Variants in HCCS observed in about 807,000 individuals in gnomAD.
HCCS encodes the protein holocytochrome c synthase.
Under a neutral mutation model 24.2 loss-of-function variants are expected in HCCS, and 2 were observed. The ratio of observed to expected loss-of-function variants is 0.08; its 90% CI spans 0.03 to 0.26. The LOEUF is 0.26. HCCS is among the 10% of genes least tolerant of loss of function. HCCS has a pLI of 1.00. For synonymous variants in HCCS, 73 were observed against 76.2 expected (o/e 0.96, Z 0.22); for missense variants, 150 against 213.3 (o/e 0.70, Z 1.85).
chrX:11,114,117 G>A (rs2045431706), intron 2 of HCCS, among the ~76,000 whole-genome samples: 1 of 112,558 alleles, frequency 8.9e-6, no homozygotes, highest in Non-Finnish European at 1.9e-5. Flanking sequence ...CATCTCATTA[G>A]GCTCAGACCT....
Position 11,112,049 on chromosome X carries a change from CTG to C in HCCS, c.-10_-9del, listed in dbSNP as rs764106176. On this transcript the variant is annotated 5_prime_UTR_variant, in exon 2 of 7. Transcript: ENST00000380762. ...AATTTAAAATTGTTTACAGTCAACA[CTG>C]TTTCCAGCCATGGGTTTGTCTCCAT... The C allele has an allele frequency of 8.8e-5, 103 of 1,174,986 alleles. 1 individual carries two copies. The South Asian group carries it at 1.6e-3, about 18-fold the overall frequency.
intron 5 of HCCS, among the ~76,000 whole-genome samples, chrX:11,119,363 G>T (rs1269292673): frequency 1.8e-5 from 2 of 111,835 alleles, no homozygotes; most frequent in African/African-American, 3.3e-5. Context: ...CAGGACTTCA[G>T]TCTGTTGAGA....
chrX:11,111,973 A>G, intron 1 of HCCS, 46 bp from the exon 2 acceptor site: 2 of 690,928 alleles, frequency 2.9e-6, no homozygotes, highest in South Asian at 4.3e-5. Flanking sequence ...CTAACGAGAG[A>G]ATAGTCTGAG....
At chrX:11,118,677 T>C in intron 5 of HCCS, 57 bp downstream of exon 5, 1 of 1,106,957 alleles carries the variant, frequency 9.0e-7, no homozygotes, top group Non-Finnish European at 1.2e-6. Flanking sequence ...CATATCAGCT[T>C]TCTAGAGTTT....
intron 2 of HCCS, 59 bp downstream of exon 2, chrX:11,112,219 G>T: frequency 1.1e-6 from 1 of 918,925 alleles, no homozygotes; most frequent in Non-Finnish European, 1.6e-6. Context: ...TGGGTGCGGT[G>T]GTTCACGCCT....
In HCCS at chrX:11,114,981, A is replaced by T; in HGVS notation, c.247A>T (p.Asn83Tyr). The change falls in exon 3 of 7, where the codon AAT becomes TAT. Residue 83 changes from asparagine (N) to tyrosine (Y), a missense_variant. Physicochemically the swap from Asn to Tyr is moderately radical, Grantham distance 143. Coordinates refer to ENST00000380762, the MANE Select transcript of HCCS (RefSeq NM_005333.5). ...GAATAAGGAGAACCTAGATCCTTCA[A>T]ATCTGGTAATCCACACTCATCTTTT... ...AENKENLDPS[N>Y]LMPPPNQTPA... The T allele has an allele frequency of 8.3e-7, 1 of 1,206,658 alleles. No individual in the cohort carries two copies. The highest frequency in any genetic ancestry group is 1.1e-6 in the Non-Finnish European group (1 of 890,800).
intron 3 of HCCS, chrX:11,116,078 T>A (rs1398995161): frequency 8.9e-6 from 1 of 112,267 alleles, no homozygotes; most frequent in African/African-American, 3.2e-5. Context: ...GGTCACTTTT[T>A]AAAAATTTTT....
At chrX:11,121,022 AC>A in intron 6 of HCCS, 29 bp downstream of exon 6, 1 of 1,105,452 alleles carries the variant, frequency 9.0e-7, no homozygotes, top group Non-Finnish European at 1.3e-6. Context: ...GTGTTGTTTC[AC>A]CATCCTCAGG....
At chrX:11,116,797 A>G (rs1234269111) in intron 3 of HCCS, among the ~76,000 whole-genome samples, 1 of 112,670 alleles carries the variant, frequency 8.9e-6, no homozygotes, top group African/African-American at 3.2e-5. Context: ...ACTCATCTGT[A>G]ATATATTTTG....
rs759171270 is a variant in HCCS at position 11,113,343 on chromosome X, C to A, written c.100+1183C>A. 2.7e-5 allele frequency among the ~76,000 whole-genome samples: 3 copies of A among 112,377 alleles called. No individual in the cohort carries two copies. The East Asian group carries it at 8.3e-4, about 31-fold the overall frequency. On this transcript the variant is annotated intron_variant, in intron 2 of 6. Transcript: ENST00000380762. ...AACATCATACAAAATGGAGCTTTGC[C>A]TGATAGAGCTTACATTCTCATCTTC... is the stretch of plus-strand genomic sequence containing the variant.
rs755130114 is a variant in HCCS, at chrX:11,123,048, A to G, written c.*1238A>G. On this transcript the variant is annotated 3_prime_UTR_variant, in exon 7 of 7. Coordinates refer to ENST00000380762, the MANE Select transcript of HCCS (RefSeq NM_005333.5). ...ACTCTACATTTCAAAATACTTGTAT[A>G]TTTTAAAATAAAGCTGATTAGTTCA... 10 of 111,921 alleles carry G rather than the reference A, an allele frequency of 8.9e-5. No homozygotes were observed. In the East Asian group the frequency reaches 2.2e-3, roughly 25 times the overall value. The allele number at this position is 111,921 out of a possible 1,213,427, so 9.2% of individuals were successfully genotyped here. A position where few individuals can be genotyped will look rare whatever the true frequency, so the allele number is the denominator to read the frequency against.
chrX:11,112,203 C>T (rs1402961448), intron 2 of HCCS, 43 bp downstream of exon 2: 1 of 1,031,819 alleles, frequency 9.7e-7, no homozygotes, highest in African/African-American at 1.8e-5. Flanking sequence ...AAAGATAATT[C>T]ACGGCTGGGT....
intron 4 of HCCS, among the ~76,000 whole-genome samples, chrX:11,117,945 C>T (rs765128584): frequency 2.7e-4 from 30 of 111,529 alleles, no homozygotes; most frequent in Non-Finnish European, 4.7e-4. Flanking sequence ...CCCACCCACA[C>T]GGAGTGGGGA....
chrX:11,123,004 A>G lies in HCCS; in HGVS notation c.*1194A>G, dbSNP rs990782940. 6.3e-5 allele frequency: 7 copies of G among 111,781 alleles called. No homozygotes were observed. The highest frequency in any genetic ancestry group is 2.3e-4 in the African/African-American group (7 of 30,738). 9.2% of individuals were successfully genotyped at this position (111,781 alleles called of 1,213,427 possible). On this transcript the variant is annotated 3_prime_UTR_variant, in exon 7 of 7. Coordinates refer to ENST00000380762, the MANE Select transcript of HCCS (RefSeq NM_005333.5). ...ATTTGTCAGTTTTGTGTGGAGTTTA[A>G]GAAATAGAACAGCCTTAAACTCTAC...
intron 2 of HCCS, among the ~76,000 whole-genome samples, chrX:11,113,469 T>A (rs983477842): frequency 8.9e-6 from 1 of 112,226 alleles, no homozygotes; most frequent in Non-Finnish European, 1.9e-5. Context: ...AGTCACATAG[T>A]AAGTGGCAAA....
At chrX:11,115,073 T>A (rs1048610636) in intron 3 of HCCS, 87 bp downstream of exon 3, 7 of 733,683 alleles carry the variant, frequency 9.5e-6, no homozygotes, top group Non-Finnish European at 1.3e-5. Context: ...ATGGCTAGGA[T>A]GAATTCTTCT....
chrX:11,121,894 T>C lies in HCCS; in HGVS notation c.*84T>C, dbSNP rs2045494767. 2 of 777,911 alleles carry C rather than the reference T, an allele frequency of 2.6e-6. No individual in the cohort carries two copies. The highest frequency in any genetic ancestry group is 2.1e-5 in the African/African-American group (1 of 48,648). The allele number at this position is 777,911 out of a possible 1,213,427, so 64.1% of individuals were successfully genotyped here. ...TTTTCCCCAGATTGAATTGCACTCATGATGTAATGGGAACTTCAAGTGGGT... is the reference window on the plus strand; with the variant it reads ...TTTTCCCCAGATTGAATTGCACTCACGATGTAATGGGAACTTCAAGTGGGT... On this transcript the variant is annotated 3_prime_UTR_variant, in exon 7 of 7. Transcript: ENST00000380762.
chrX:11,119,285 G>A (rs182814815), intron 5 of HCCS, among the ~76,000 whole-genome samples: 1 of 112,246 alleles, frequency 8.9e-6, no homozygotes, highest in African/African-American at 3.2e-5. Flanking sequence ...AACACAAAGA[G>A]ATGTCTTAAC....
chrX:11,115,512 A>T (rs1049122686), intron 3 of HCCS, among the ~76,000 whole-genome samples: 1 of 112,072 alleles, frequency 8.9e-6, no homozygotes, highest in Non-Finnish European at 1.9e-5. Context: ...ATTGTGGTCT[A>T]AAGTTTGGAA....
Sources: allele counts gnomAD v4.1 joint callset (sites outside exome capture counted in the v4.1 genomes callset), GRCh38; gene constraint gnomAD v4.1.1; transcripts MANE v1.5; gene names NCBI Gene and HGNC (gene_info 2026-07-23, HGNC 2026-07-21).